Variants in MFSD2A observed in about 807,000 individuals in gnomAD.
MFSD2A encodes sodium-dependent lysophosphatidylcholine symporter 1.
A neutral mutation model predicts 64.7 loss-of-function variants in MFSD2A; 27 were observed. That is an observed-to-expected ratio of 0.42 (90% CI 0.31 to 0.58). The LOEUF is 0.58. MFSD2A is among the 20% of genes least tolerant of loss of function. MFSD2A has a pLI of 0.18. For synonymous variants in MFSD2A, 258 were observed against 273.4 expected (o/e 0.94, Z 0.55); for missense variants, 474 against 679.5 (o/e 0.70, Z 3.36).
Position 39,960,631 on chromosome 1 carries a change from C to T in MFSD2A, c.353+1806C>T, listed in dbSNP as rs902701267. On this transcript the variant is annotated intron_variant, in intron 3 of 13. Transcript: ENST00000372811. The surrounding 1 kb of genome is among the most constrained non-coding windows in gnomAD (Gnocchi z 4.8). Reference sequence around the variant, plus strand: ...GCTCCCAGGGATGGTGGCTGCAGGCCGGGTTACTCCCAGTTACACTGGGTT... The same window carrying T: ...GCTCCCAGGGATGGTGGCTGCAGGCTGGGTTACTCCCAGTTACACTGGGTT... 1.3e-5 allele frequency among the ~76,000 whole-genome samples: 2 copies of T among 152,330 alleles called. No homozygotes were observed. The highest frequency in any genetic ancestry group is 1.9e-4 in the East Asian group (1 of 5,180).
chr1:39,969,413 A>T (rs1557641788), intron 13 of MFSD2A, 92 bp from the exon 14 acceptor site: 1 of 1,117,082 alleles, frequency 9.0e-7, no homozygotes, highest in African/African-American at 1.6e-5. Context: ...GTCCGACAGC[A>T]GGGCCAAGAT....
chr1:39,969,272 C>T (rs1645231453), intron 13 of MFSD2A, among the ~76,000 whole-genome samples: 1 of 152,164 alleles, frequency 6.6e-6, no homozygotes, highest in African/African-American at 2.4e-5. Flanking sequence ...GTCATGCCAG[C>T]CCGTCAGCCA....
Position 39,955,248 on chromosome 1 carries a change from G to A in MFSD2A, c.-45G>A. 1 of 1,354,908 alleles carries A rather than the reference G, an allele frequency of 7.4e-7. No homozygotes were observed. The highest frequency in any genetic ancestry group is 9.6e-7 in the Non-Finnish European group (1 of 1,045,370). The allele number at this position is 1,354,908 out of a possible 1,614,324, so 83.9% of individuals were successfully genotyped here. A position where few individuals can be genotyped will look rare whatever the true frequency, so the allele number is the denominator to read the frequency against. On this transcript the variant is annotated 5_prime_UTR_variant, in exon 1 of 14. Transcript: ENST00000372811. The surrounding 1 kb of genome is among the most constrained non-coding windows in gnomAD (Gnocchi z 5.9). ...GAGGAGCAGCGGCCTGCGGGGCAGA[G>A]GAGCATCCCGTCTACCAGGTCCCAA...
chr1:39,962,842 G>C lies in MFSD2A; in HGVS notation c.354-2369G>C, dbSNP rs190832434. The C allele has an allele frequency of 1.2e-3, 1,761 of 1,520,200 alleles. 2 individuals carry two copies. The highest frequency in any genetic ancestry group is 1.4e-3 in the Non-Finnish European group (1,595 of 1,121,114). 94.2% of individuals were successfully genotyped at this position (1,520,200 alleles called of 1,614,324 possible). A position where few individuals can be genotyped will look rare whatever the true frequency, so the allele number is the denominator to read the frequency against. On this transcript the variant is annotated intron_variant, in intron 3 of 13. Transcript: ENST00000372811. ...TCTGAGATCATTGACTTTTTCCTGG[G>C]GGCCTCTCTCAAGGATGAGGTTTTG... is the stretch of plus-strand genomic sequence containing the variant.
At chr1:39,969,133 G>A (rs1645228745) in intron 13 of MFSD2A, among the ~76,000 whole-genome samples, 1 of 152,164 alleles carries the variant, frequency 6.6e-6, no homozygotes, top group South Asian at 2.1e-4. Context: ...GCTGAAAGGG[G>A]CGGAGCTGGG....
chr1:39,967,121 C>T lies in MFSD2A; in HGVS notation c.963C>T (p.Tyr321=), dbSNP rs35926792. Residue 321 remains tyrosine, a synonymous_variant, in exon 9 of 14, where the codon TAC becomes TAT. Transcript: ENST00000372811. ...VEGNFVLFCT[Y]TLGFRNEFQN... is the part of the protein sequence containing the mutation. ...GGAACTTTGTCTTGTTTTGCACCTA[C>T]ACCTTGGGCTTCCGCAATGAATTCC... 2.5e-6 allele frequency: 4 copies of T among 1,614,082 alleles called. No individual in the cohort carries two copies. The highest frequency in any genetic ancestry group is 2.2e-5 in the South Asian group (2 of 91,074).
Position 39,963,099 on chromosome 1 carries a change from A to G in MFSD2A, c.354-2112A>G, listed in dbSNP as rs956611873. 1 of 1,365,126 alleles carries G rather than the reference A, an allele frequency of 7.3e-7. No individual in the cohort carries two copies. The allele number at this position is 1,365,126 out of a possible 1,614,324, so 84.6% of individuals were successfully genotyped here. On this transcript the variant is annotated intron_variant, in intron 3 of 13. Coordinates refer to ENST00000372811, the MANE Select transcript of MFSD2A (RefSeq NM_032793.5). This position sits in a 1 kb window ranked among gnomAD's most constrained non-coding sequence, Gnocchi z 4.2. ...GCCCCACACCGTCCCTTGCAAGGTG[A>G]CAGGCCGCTGCGGCTCTGTGCTGGT...
At position 39,955,453 on chromosome 1, in the gene MFSD2A, T is replaced by C; in HGVS notation, c.93+68T>C. On this transcript the variant is annotated intron_variant, in intron 1 of 13. Coordinates refer to ENST00000372811, the MANE Select transcript of MFSD2A (RefSeq NM_032793.5). The surrounding 1 kb of genome is among the most constrained non-coding windows in gnomAD (Gnocchi z 5.9). ...AGGCGGAAATGGGGGATCAGGGGCG[T>C]CCCGGGGTCGGCCTGGTCAGGGGAC... The C allele has an allele frequency of 6.8e-7, 1 of 1,468,376 alleles. No homozygotes were observed. The highest frequency in any genetic ancestry group is 9.2e-7 in the Non-Finnish European group (1 of 1,085,770). The allele number at this position is 1,468,376 out of a possible 1,614,324, so 91.0% of individuals were successfully genotyped here. A position where few individuals can be genotyped will look rare whatever the true frequency, so the allele number is the denominator to read the frequency against.
chr1:39,962,575 G>T, intron 3 of MFSD2A: 3 of 648,878 alleles, frequency 4.6e-6, no homozygotes, highest in Non-Finnish European at 8.1e-6. Flanking sequence ...GCAGCGGGGG[G>T]GCCTGGAGGC....
In MFSD2A at chr1:39,966,021, C is replaced by G. The variant is rs187731428; in HGVS notation, c.714+7C>G. ...CACCTCACACAGGGAAACGGTGAGG[C>G]CCTGGGCAGGGCAGGGATTTGGGGA... On this transcript the variant is annotated splice_region_variant and intron_variant, in intron 6 of 13. Transcript: ENST00000372811. The G allele has an allele frequency of 6.2e-7, 1 of 1,613,986 alleles. No homozygotes were observed.
At chr1:39,957,732 T>C (rs1644959370) in intron 2 of MFSD2A, 1 of 153,552 alleles carries the variant, frequency 6.5e-6, no homozygotes, top group Non-Finnish European at 1.5e-5. Flanking sequence ...GAAACAGGAC[T>C]ATTCTGTGCA....
rs1645210168 is a variant in MFSD2A at position 39,968,419 on chromosome 1, G to A, written c.1294G>A (p.Val432Ile). The A allele has an allele frequency of 6.2e-7, 1 of 1,614,120 alleles. No individual in the cohort carries two copies. Among genetic ancestry groups the A allele is most frequent in the East Asian group, 2.2e-5 (1 of 44,874 alleles). Residue 432 changes from valine to isoleucine, a missense_variant, in exon 12 of 14, where the codon GTC becomes ATC. Coordinates refer to ENST00000372811, the MANE Select transcript of MFSD2A (RefSeq NM_032793.5). This position sits in a 1 kb window ranked among gnomAD's most constrained non-coding sequence, Gnocchi z 4.4. ...GTEPIFFSFY[V>I]FFTKFASGVS... ...CGAGCCCATCTTCTTCTCCTTCTAT[G>A]TCTTCTTCACCAAGTTTGCCTCTGG...
chr1:39,955,761 T>G lies in MFSD2A; in HGVS notation c.93+376T>G. The G allele has an allele frequency of 1.1e-5, 5 of 452,686 alleles. No homozygotes were observed. Among genetic ancestry groups the G allele is most frequent in the East Asian group, 6.1e-5 (1 of 16,274 alleles). The allele number at this position is 452,686 out of a possible 1,614,324, so 28.0% of individuals were successfully genotyped here. On this transcript the variant is annotated intron_variant, in intron 1 of 13. Transcript: ENST00000372811. This position sits in a 1 kb window ranked among gnomAD's most constrained non-coding sequence, Gnocchi z 5.9. ...CCTTGGTTCCCCATCTCTCATCCCC[T>G]ACCTCCCACTCCACCCACCTACTCT...
intron 2 of MFSD2A, chr1:39,957,761 A>G (rs1192331079): frequency 6.5e-6 from 1 of 152,700 alleles, no homozygotes; most frequent in Non-Finnish European, 1.5e-5. Flanking sequence ...CCTTGGCCAG[A>G]AGCCTGGCAT....
At chr1:39,966,045 G>T (rs1645154332) in intron 6 of MFSD2A, 31 bp downstream of exon 6, 1 of 1,612,350 alleles carries the variant, frequency 6.2e-7, no homozygotes. Flanking sequence ...GGGATTTGGG[G>T]AGATAAGGAA....
rs1644897211 is a variant in MFSD2A at position 39,955,188 on chromosome 1, C to A, written c.-105C>A. On this transcript the variant is annotated 5_prime_UTR_variant, in exon 1 of 14. Coordinates refer to ENST00000372811, the MANE Select transcript of MFSD2A (RefSeq NM_032793.5). The surrounding 1 kb of genome is among the most constrained non-coding windows in gnomAD (Gnocchi z 5.9). ...GCCAGCCGGCTTGGCTAGCGCGCGG[C>A]GGCCGTGGCTAAGGCTGCTACGAAG... The A allele has an allele frequency of 4.2e-6, 4 of 947,718 alleles. No homozygotes were observed. The East Asian group carries it at 1.3e-4, about 31-fold the overall frequency. The allele number at this position is 947,718 out of a possible 1,614,324, so 58.7% of individuals were successfully genotyped here.
At position 39,958,581 on chromosome 1, in the gene MFSD2A, G is replaced by A; in HGVS notation, c.229-120G>A. The A allele has an allele frequency of 2.7e-6, 4 of 1,498,756 alleles. No homozygotes were observed. Among genetic ancestry groups the A allele is most frequent in the Non-Finnish European group, 3.7e-6 (4 of 1,079,014 alleles). 92.8% of individuals were successfully genotyped at this position (1,498,756 alleles called of 1,614,324 possible). On this transcript the variant is annotated intron_variant, in intron 2 of 13. Coordinates refer to ENST00000372811, the MANE Select transcript of MFSD2A (RefSeq NM_032793.5). This position sits in a 1 kb window ranked among gnomAD's most constrained non-coding sequence, Gnocchi z 4.7. ...GAAGATGTGTAAGGTCCATGTGGGA[G>A]CAGCTCAGGGTCACAAGATCCTGGC...
rs938993905 is a variant in MFSD2A, at chr1:39,963,993, C to T, written c.354-1218C>T. ...TCAGGTGATCCACTTGACTCAGTCT[C>T]CCAAAGTGCTGGGATTACAGGCATG... is the stretch of plus-strand genomic sequence containing the variant. On this transcript the variant is annotated intron_variant, in intron 3 of 13. Coordinates refer to ENST00000372811, the MANE Select transcript of MFSD2A (RefSeq NM_032793.5). This position sits in a 1 kb window ranked among gnomAD's most constrained non-coding sequence, Gnocchi z 4.2. Among the ~76,000 whole-genome samples, 1 of 152,214 alleles carries T rather than the reference C, an allele frequency of 6.6e-6. No individual in the cohort carries two copies. Among genetic ancestry groups the T allele is most frequent in the Non-Finnish European group, 1.5e-5 (1 of 68,030 alleles).
At chr1:39,966,450 C>T in intron 6 of MFSD2A, 151 bp from the exon 7 acceptor site, 1 of 692,518 alleles carries the variant, frequency 1.4e-6, no homozygotes, top group Non-Finnish European at 2.5e-6. Flanking sequence ...AACAGCAGGC[C>T]CAGGATGATC....
Sources: allele counts gnomAD v4.1 joint callset (sites outside exome capture counted in the v4.1 genomes callset), GRCh38; gene constraint gnomAD v4.1.1; non-coding constraint Gnocchi (gnomAD v3.1); transcripts MANE v1.5; gene names NCBI Gene and HGNC (gene_info 2026-07-23, HGNC 2026-07-21).